Variants in COL4A5 observed in about 807,000 individuals in gnomAD.
COL4A5 encodes collagen type IV alpha 5 chain.
Under a neutral mutation model 130.2 loss-of-function variants are expected in COL4A5, and 26 were observed. The observed-to-expected ratio is 0.20, with a 90% CI of 0.15 to 0.28. The LOEUF (loss-of-function observed/expected upper bound fraction) is 0.28. Ranked by LOEUF, COL4A5 falls within the 10% of genes least tolerant of loss-of-function variation. The pLI, the probability that COL4A5 is intolerant of heterozygous loss-of-function variation, is 1.00. For synonymous variants in COL4A5, 496 were observed against 439.6 expected (o/e 1.13, Z -1.60); for missense variants, 1,131 against 1,344.3 (o/e 0.84, Z 2.48).
At chrX:108,570,172 TA>T (rs1186858848) in intron 6 of COL4A5, among the ~76,000 whole-genome samples, 1 of 111,414 alleles carries the variant, frequency 9.0e-6, no homozygotes, top group African/African-American at 3.3e-5. Flanking sequence ...TAATAATTTT[TA>T]AAAAAAATTT....
intron 36 of COL4A5, among the ~76,000 whole-genome samples, chrX:108,643,299 T>C (rs1029593123): frequency 8.9e-6 from 1 of 111,916 alleles, no homozygotes; most frequent in African/African-American, 3.3e-5. Context: ...ATTTGGGGAA[T>C]AATTAAGGAA....
At position 108,680,683 on chromosome X, in the gene COL4A5, A is replaced by G; in HGVS notation, c.3947A>G (p.Asn1316Ser). Residue 1316 changes from asparagine to serine, a missense_variant, in exon 45 of 53, where the codon AAT (asparagine) becomes AGT (serine). Transcript: ENST00000328300. ...TTAATGATTTTATTTATTCAGGGTA[A>G]TCCTGGCCGGCCGGGTCTCAATGGA... ...GDQGPPGLQG[N>S]PGRPGLNGMK... The G allele has an allele frequency of 8.3e-7, 1 of 1,208,195 alleles. No individual in the cohort carries two copies.
Position 108,495,892 on chromosome X carries a change from A to T in COL4A5, c.82-43854A>T, listed in dbSNP as rs1425906049. On this transcript the variant is annotated intron_variant, in intron 1 of 52. Transcript: ENST00000328300. Reference sequence around the variant, plus strand: ...CCAAACTGGCTATAGCCATTGCTGGATGTCCAATCTGCCAGTAGCAGAGAC... The same window carrying T: ...CCAAACTGGCTATAGCCATTGCTGGTTGTCCAATCTGCCAGTAGCAGAGAC... 2.7e-5 allele frequency among the ~76,000 whole-genome samples: 3 copies of T among 112,365 alleles called. No individual in the cohort carries two copies. In the Admixed American group the frequency reaches 2.8e-4, roughly 11 times the overall value.
chrX:108,530,421 C>A (rs930317731), intron 1 of COL4A5, among the ~76,000 whole-genome samples: 1 of 107,962 alleles, frequency 9.3e-6, no homozygotes, highest in Non-Finnish European at 1.9e-5. Context: ...AACAGGCAAC[C>A]TACAAAATGG....
intron 1 of COL4A5, among the ~76,000 whole-genome samples, chrX:108,494,503 A>G (rs993859759): frequency 2.7e-5 from 3 of 111,565 alleles, no homozygotes; most frequent in Non-Finnish European, 5.7e-5. Context: ...TTTAACACAT[A>G]TGTCATACCA....
At chrX:108,610,881 A>G (rs965809944) in intron 29 of COL4A5, among the ~76,000 whole-genome samples, 1 of 111,818 alleles carries the variant, frequency 8.9e-6, no homozygotes, top group African/African-American at 3.2e-5. Flanking sequence ...TAGTACCTGA[A>G]TCAGTAGAAG....
At chrX:108,526,575 C>T (rs2065313893) in intron 1 of COL4A5, among the ~76,000 whole-genome samples, 1 of 53,710 alleles carries the variant, frequency 1.9e-5, no homozygotes, top group African/African-American at 1.0e-4. Flanking sequence ...TTCCTTTCCT[C>T]CCTCCCTCCC....
chrX:108,667,616 T>C (rs2068111066), intron 40 of COL4A5, among the ~76,000 whole-genome samples: 1 of 109,596 alleles, frequency 9.1e-6, no homozygotes, highest in African/African-American at 3.3e-5. Context: ...CTTTTGTGCT[T>C]ACTCTTACTG....
intron 41 of COL4A5, among the ~76,000 whole-genome samples, chrX:108,669,090 A>G (rs1244706895): frequency 9.0e-6 from 1 of 111,728 alleles, no homozygotes; most frequent in African/African-American, 3.3e-5. Context: ...TCTATACCTC[A>G]TTTGTCTTGT....
At chrX:108,606,547 A>G (rs1233029699) in intron 28 of COL4A5, among the ~76,000 whole-genome samples, 195 bp from the exon 29 acceptor site, 2 of 109,584 alleles carry the variant, frequency 1.8e-5, no homozygotes, top group Non-Finnish European at 3.8e-5. Flanking sequence ...AATTTGTTTT[A>G]CTAAACCCTG....
At chrX:108,650,953 A>C (rs2067714937) in intron 36 of COL4A5, among the ~76,000 whole-genome samples, 1 of 111,262 alleles carries the variant, frequency 9.0e-6, no homozygotes, top group Non-Finnish European at 1.9e-5. Flanking sequence ...AGCAAACAAA[A>C]ACCAAAGTGT....
At chrX:108,538,108 G>T (rs766150888) in intron 1 of COL4A5, among the ~76,000 whole-genome samples, 1 of 111,647 alleles carries the variant, frequency 9.0e-6, no homozygotes, top group African/African-American at 3.3e-5. Flanking sequence ...CATAGTGGCT[G>T]TCACATAACA....
chrX:108,471,773 TA>T (rs2064773080), intron 1 of COL4A5, among the ~76,000 whole-genome samples: 1 of 111,673 alleles, frequency 9.0e-6, no homozygotes, highest in African/African-American at 3.3e-5. Flanking sequence ...GGATGGGGGT[TA>T]AAGAACCAAC....
intron 28 of COL4A5, among the ~76,000 whole-genome samples, chrX:108,606,058 C>T (rs990305784): frequency 2.7e-5 from 3 of 111,664 alleles, no homozygotes; most frequent in Non-Finnish European, 5.7e-5. Context: ...TTTAAACCTC[C>T]TGTGTTTTGT....
At chrX:108,634,858 T>G (rs902753219) in intron 36 of COL4A5, among the ~76,000 whole-genome samples, 9 of 111,044 alleles carry the variant, frequency 8.1e-5, no homozygotes, top group African/African-American at 2.9e-4. Context: ...GCAGTTTCAT[T>G]TTTCCAGTTC....
At position 108,602,960 on chromosome X, in the gene COL4A5, A is replaced by G. The variant is rs2147823315; in HGVS notation, c.2147-4A>G. The stretch of plus-strand genomic sequence containing the variant: ...TGGTTAAAAAATGACTTATCATTTT[A>G]CAGGCTTTCCTGGAATTCCAGGACC... On this transcript the variant is annotated splice_polypyrimidine_tract_variant and splice_region_variant and intron_variant, in intron 27 of 52. Coordinates refer to ENST00000328300, the MANE Select transcript of COL4A5 (RefSeq NM_033380.3). The G allele has an allele frequency of 8.6e-7, 1 of 1,160,015 alleles. No homozygotes were observed. The highest frequency in any genetic ancestry group is 1.2e-6 in the Non-Finnish European group (1 of 857,949).
intron 46 of COL4A5, 137 bp downstream of exon 46, chrX:108,681,093 CTTTA>C (rs1472741683): frequency 6.0e-5 from 30 of 499,295 alleles, no homozygotes; most frequent in Non-Finnish European, 9.7e-5. Flanking sequence ...AAGGCTCTGC[CTTTA>C]TTTACTAATC....
At chrX:108,455,136 T>G (rs749132699) in intron 1 of COL4A5, among the ~76,000 whole-genome samples, 139 of 111,835 alleles carry the variant, frequency 1.2e-3, no homozygotes, top group African/African-American at 4.3e-3. Flanking sequence ...TGATCTGCTT[T>G]CTGTACAGTA....
chrX:108,665,876 C>T (rs987492053), intron 38 of COL4A5, among the ~76,000 whole-genome samples: 3 of 111,143 alleles, frequency 2.7e-5, no homozygotes, highest in Non-Finnish European at 5.7e-5. Context: ...CATGGTGATA[C>T]GCCATTTCTA....
Sources: gnomAD v4.1 joint callset for allele counts (sites outside exome capture counted in the v4.1 genomes callset) on GRCh38, gnomAD v4.1.1 for gene constraint, MANE v1.5 for transcripts, NCBI Gene and HGNC (gene_info 2026-07-23, HGNC 2026-07-21) for gene names.